The following AKAIN1 variants were observed in gnomAD, a reference collection of about 807,000 sequenced individuals.
AKAIN1 encodes A-kinase anchor protein inhibitor 1.
A neutral mutation model predicts 3.7 loss-of-function variants in AKAIN1; 3 were observed. The observed-to-expected ratio is 0.82, with a 90% CI of 0.37 to 2.12. The LOEUF (loss-of-function observed/expected upper bound fraction) is 2.12, where lower values mean the gene tolerates loss of function less well. Ranked by LOEUF, AKAIN1 falls within the 30% of genes most tolerant of loss-of-function variation. The pLI is 0.06. For synonymous variants in AKAIN1, 31 were observed against 30.8 expected (o/e 1.01, Z -0.02); for missense variants, 82 against 82.7 (o/e 0.99, Z 0.03).
intron 1 of AKAIN1, among the ~76,000 whole-genome samples, chr18:5,162,745 T>G (rs389574): frequency 0.61 from 92,236 of 151,194 alleles, 29,004 homozygotes; most frequent in African/African-American, 0.76. Context: ...AAATAAATCA[T>G]CAATGACAGA....
intron 1 of AKAIN1, among the ~76,000 whole-genome samples, chr18:5,151,304 T>G (rs768144223): frequency 1.3e-5 from 2 of 152,118 alleles, no homozygotes; most frequent in African/African-American, 4.8e-5. Flanking sequence ...AGAATGATAG[T>G]TTTGTTCTTT....
chr18:5,196,960 G>A (rs1350827111), intron 1 of AKAIN1, 78 bp downstream of exon 1: 2 of 1,259,128 alleles, frequency 1.6e-6, no homozygotes, highest in African/African-American at 3.0e-5. Flanking sequence ...AGGTAAAGAG[G>A]CCTTTTTTCC....
intron 1 of AKAIN1, among the ~76,000 whole-genome samples, chr18:5,166,664 A>T (rs1396423883): frequency 6.6e-6 from 1 of 152,150 alleles, no homozygotes; most frequent in Non-Finnish European, 1.5e-5. Context: ...CAGGAAAAGA[A>T]GGTCAGAACC....
At chr18:5,195,718 T>C (rs1347451046) in intron 1 of AKAIN1, among the ~76,000 whole-genome samples, 1 of 152,142 alleles carries the variant, frequency 6.6e-6, no homozygotes, top group Non-Finnish European at 1.5e-5. Context: ...CTTTGTAAAG[T>C]GTTAAGTGCT....
At chr18:5,146,033 A>G (rs1280074945) in intron 1 of AKAIN1, among the ~76,000 whole-genome samples, 2 of 152,374 alleles carry the variant, frequency 1.3e-5, no homozygotes, top group South Asian at 4.1e-4. Context: ...GCAGTTACTT[A>G]TAATACCTAA....
chr18:5,180,354 T>C (rs1343524593), intron 1 of AKAIN1, among the ~76,000 whole-genome samples: 3 of 152,206 alleles, frequency 2.0e-5, no homozygotes, highest in South Asian at 2.1e-4. Context: ...AGGCTGCTGT[T>C]TTCTCTTTTC....
intron 1 of AKAIN1, among the ~76,000 whole-genome samples, chr18:5,160,431 G>A (rs1050512558): frequency 1.3e-5 from 2 of 152,150 alleles, no homozygotes; most frequent in South Asian, 2.1e-4. Flanking sequence ...TTTCTACTGG[G>A]TTGTTTTCCT....
At chr18:5,193,401 A>C (rs1302848259) in intron 1 of AKAIN1, among the ~76,000 whole-genome samples, 1 of 152,180 alleles carries the variant, frequency 6.6e-6, no homozygotes, top group East Asian at 1.9e-4. Flanking sequence ...CTAATCCCTG[A>C]ATTATATATT....
rs2143300478 is a variant in AKAIN1, at chr18:5,145,243, GAAGTA to G, written c.*314_*318del. 1 of 218,092 alleles carries G rather than the reference GAAGTA, an allele frequency of 4.6e-6. No homozygotes were observed. The highest frequency in any genetic ancestry group is 5.2e-5 in the Admixed American group (1 of 19,362). The allele number at this position is 218,092 out of a possible 1,614,324, so 13.5% of individuals were successfully genotyped here. A position where few individuals can be genotyped will look rare whatever the true frequency, so the allele number is the denominator to read the frequency against. Reference sequence around the variant, plus strand: ...TCACAGAAGGAACGCATAAAAGGCAGAAGTAAATAAACGAGACATAGAATTCTTTT... The same window carrying G: ...TCACAGAAGGAACGCATAAAAGGCAGAATAAACGAGACATAGAATTCTTTT... On this transcript the variant is annotated 3_prime_UTR_variant, in exon 2 of 2. Transcript: ENST00000434239.
intron 1 of AKAIN1, among the ~76,000 whole-genome samples, chr18:5,165,771 C>T (rs1226134268): frequency 3.9e-5 from 6 of 152,066 alleles, no homozygotes; most frequent in African/African-American, 1.4e-4. Context: ...TTAATCCATC[C>T]TGTTGCTTGT....
chr18:5,165,536 A>G (rs983748988), intron 1 of AKAIN1, among the ~76,000 whole-genome samples: 1 of 152,032 alleles, frequency 6.6e-6, no homozygotes, highest in African/African-American at 2.4e-5. Context: ...TTCAAAGCAA[A>G]TGCTCAGGAT....
intron 1 of AKAIN1, among the ~76,000 whole-genome samples, chr18:5,159,040 A>G (rs2071124211): frequency 6.6e-6 from 1 of 151,728 alleles, no homozygotes; most frequent in Non-Finnish European, 1.5e-5. Flanking sequence ...CTTTTCTTTT[A>G]TTATATCTTT....
chr18:5,179,931 C>A (rs1458221578), intron 1 of AKAIN1, among the ~76,000 whole-genome samples: 1 of 152,106 alleles, frequency 6.6e-6, no homozygotes, highest in African/African-American at 2.4e-5. Flanking sequence ...GCTTCTCTGT[C>A]CCCATCCCAC....
intron 1 of AKAIN1, among the ~76,000 whole-genome samples, chr18:5,150,757 T>G (rs1223493083): frequency 6.6e-6 from 1 of 152,176 alleles, no homozygotes; most frequent in Non-Finnish European, 1.5e-5. Flanking sequence ...GTGGAAGGTG[T>G]CTAAGGAACT....
chr18:5,150,656 G>A (rs2071075138), intron 1 of AKAIN1, among the ~76,000 whole-genome samples: 1 of 152,126 alleles, frequency 6.6e-6, no homozygotes, highest in South Asian at 2.1e-4. Context: ...CCCCCATGGG[G>A]ATCCGGCCTT....
At chr18:5,158,724 G>GCA (rs1319479686) in intron 1 of AKAIN1, among the ~76,000 whole-genome samples, 2 of 152,112 alleles carry the variant, frequency 1.3e-5, no homozygotes, top group Non-Finnish European at 2.9e-5. Context: ...CCTGAACCCT[G>GCA]CACACATGGG....
rs549148284 is a variant in AKAIN1 at position 5,168,370 on chromosome 18, T to G, written c.17-22615A>C. Reference sequence around the variant, plus strand: ...GCTACCATTGCTTGAGCACCTACACTGTCTACTACCTGTAAAGAAGTTGGA... The same window carrying G: ...GCTACCATTGCTTGAGCACCTACACGGTCTACTACCTGTAAAGAAGTTGGA... On this transcript the variant is annotated intron_variant, in intron 1 of 1. Transcript: ENST00000434239. Among the ~76,000 whole-genome samples, 15 of 152,232 alleles carry G rather than the reference T, an allele frequency of 9.9e-5. No homozygotes were observed. In the East Asian group the frequency reaches 2.9e-3, roughly 29 times the overall value.
At chr18:5,192,385 T>TTTTCTTTTTCTTTC (rs1555611428) in intron 1 of AKAIN1, among the ~76,000 whole-genome samples, 1 of 106,990 alleles carries the variant, frequency 9.3e-6, no homozygotes, top group Non-Finnish European at 1.9e-5. Context: ...ACAGAGCTAA[T>TTTTCTTTTTCTTTC]TTTCTTTCTT....
chr18:5,179,226 G>A (rs907931325), intron 1 of AKAIN1, among the ~76,000 whole-genome samples: 1 of 152,048 alleles, frequency 6.6e-6, no homozygotes, highest in Admixed American at 6.6e-5. Flanking sequence ...TGAGTCTCCA[G>A]TGTCTATTAC....
Sources: allele counts gnomAD v4.1 joint callset (sites outside exome capture counted in the v4.1 genomes callset), GRCh38; gene constraint gnomAD v4.1.1; transcripts MANE v1.5; gene names NCBI Gene and HGNC (gene_info 2026-07-23, HGNC 2026-07-21).